CADPS2: variants seen among roughly 807,000 people sequenced by gnomAD.
CADPS2 encodes calcium-dependent secretion activator 2.
In CADPS2, 93 loss-of-function variants were observed where a neutral mutation model predicts 172.5. The observed-to-expected ratio is 0.54, with a 90% CI of 0.46 to 0.64. CADPS2 has a LOEUF of 0.64. CADPS2 is among the 30% of genes least tolerant of loss of function. The pLI, the probability that CADPS2 is intolerant of heterozygous loss-of-function variation, is 0.00. For missense variants in CADPS2, 1,420 were observed against 1,565.9 expected (o/e 0.91, Z 1.57); for synonymous variants, 546 against 555.2 (o/e 0.98, Z 0.23).
At chr7:122,775,493 A>C (rs531623793) in intron 1 of CADPS2, among the ~76,000 whole-genome samples, 1 of 152,332 alleles carries the variant, frequency 6.6e-6, no homozygotes, top group African/African-American at 2.4e-5. Flanking sequence ...CAATTATTTT[A>C]AAGGAGCTAC....
chr7:122,720,659 G>A (rs1001569386), intron 2 of CADPS2, among the ~76,000 whole-genome samples: 2 of 151,534 alleles, frequency 1.3e-5, no homozygotes, highest in Non-Finnish European at 2.9e-5. Context: ...GAGAGTGAGA[G>A]CCCGTGCGAA....
chr7:122,572,459 G>A (rs1231331136), intron 7 of CADPS2, among the ~76,000 whole-genome samples: 2 of 152,056 alleles, frequency 1.3e-5, no homozygotes, highest in Non-Finnish European at 2.9e-5. Context: ...TCTATTAATG[G>A]ACAATAGGTT....
chr7:122,666,518 A>G (rs567120822), intron 2 of CADPS2, among the ~76,000 whole-genome samples: 1 of 151,860 alleles, frequency 6.6e-6, no homozygotes, highest in African/African-American at 2.4e-5. Flanking sequence ...TAATTTTTAT[A>G]TTTTTAGTAG....
chr7:122,662,469 A>G (rs191731943), intron 3 of CADPS2, among the ~76,000 whole-genome samples: 2,662 of 149,388 alleles, frequency 0.018, 34 homozygotes, highest in Non-Finnish European at 0.026. Flanking sequence ...TCCGCCTCCC[A>G]GGTTCAAGCA....
At chr7:122,694,125 T>C (rs997899807) in intron 2 of CADPS2, among the ~76,000 whole-genome samples, 22 of 152,270 alleles carry the variant, frequency 1.4e-4, no homozygotes, top group African/African-American at 5.1e-4. Flanking sequence ...CAAATGATAT[T>C]GTAGGAAAGT....
chr7:122,397,174 G>C (rs1228086217), intron 20 of CADPS2, among the ~76,000 whole-genome samples: 1 of 151,950 alleles, frequency 6.6e-6, no homozygotes, highest in Non-Finnish European at 1.5e-5. Flanking sequence ...ATTTTCTCTG[G>C]TCAGTTATGA....
At chr7:122,491,472 TTAAC>T (rs1209843315) in intron 9 of CADPS2, 52 bp from the exon 10 acceptor site, 31 of 950,920 alleles carry the variant, frequency 3.3e-5, no homozygotes, top group Non-Finnish European at 4.4e-5. Context: ...TTTACCAAAT[TTAAC>T]TTTCGTTTTT....
intron 8 of CADPS2, among the ~76,000 whole-genome samples, chr7:122,535,767 T>C (rs2062205263): frequency 6.6e-6 from 1 of 152,114 alleles, no homozygotes; most frequent in African/African-American, 2.4e-5. Context: ...TGGGATGATA[T>C]ACTGAGCCCC....
At chr7:122,778,923 CAT>C (rs1257924277) in intron 1 of CADPS2, among the ~76,000 whole-genome samples, 2 of 152,168 alleles carry the variant, frequency 1.3e-5, no homozygotes, top group South Asian at 2.1e-4. Context: ...TAGATCCCCA[CAT>C]GTCATGGGAG....
chr7:122,839,890 A>G (rs1160876205), intron 1 of CADPS2, among the ~76,000 whole-genome samples: 1 of 152,158 alleles, frequency 6.6e-6, no homozygotes, highest in Non-Finnish European at 1.5e-5. Flanking sequence ...CAAGGATCTA[A>G]AACTAGAAAT....
At chr7:122,586,179 A>G (rs189519412) in intron 6 of CADPS2, among the ~76,000 whole-genome samples, 12 of 152,136 alleles carry the variant, frequency 7.9e-5, no homozygotes, top group Non-Finnish European at 1.6e-4. Context: ...TGCACATTTT[A>G]TTCATTTAAA....
At chr7:122,401,045 C>T (rs1238938090) in intron 20 of CADPS2, among the ~76,000 whole-genome samples, 1 of 152,132 alleles carries the variant, frequency 6.6e-6, no homozygotes, top group Non-Finnish European at 1.5e-5. Context: ...TCACTCTGGG[C>T]TCTATTATGG....
At chr7:122,658,431 C>T (rs1475426254) in intron 3 of CADPS2, among the ~76,000 whole-genome samples, 1 of 152,166 alleles carries the variant, frequency 6.6e-6, no homozygotes, top group African/African-American at 2.4e-5. Context: ...TATAAAGATA[C>T]AGGCACAGTA....
chr7:122,661,322 G>A (rs1273359611), intron 3 of CADPS2, among the ~76,000 whole-genome samples: 3 of 152,124 alleles, frequency 2.0e-5, no homozygotes, highest in Non-Finnish European at 4.4e-5. Context: ...ATTGCAAGTA[G>A]GTTTCAAATC....
chr7:122,812,151 A>G (rs1800152125), intron 1 of CADPS2, among the ~76,000 whole-genome samples: 1 of 152,028 alleles, frequency 6.6e-6, no homozygotes, highest in African/African-American at 2.4e-5. Flanking sequence ...TTCCCCATCT[A>G]TAAGATGGAA....
At chr7:122,570,907 T>C (rs763685144) in intron 7 of CADPS2, among the ~76,000 whole-genome samples, 1 of 151,918 alleles carries the variant, frequency 6.6e-6, no homozygotes, top group Non-Finnish European at 1.5e-5. Context: ...CGGGGAGGGA[T>C]AGCATTAGGA....
Position 122,446,117 on chromosome 7 carries a change from C to T in CADPS2, c.2289-4542G>A, listed in dbSNP as rs1326156571. ...GTTAGCCGTAGGTCTACCATCCATG[C>T]CCTTAACTGGTTGTATATAACATAT... On this transcript the variant is annotated intron_variant, in intron 15 of 29. Coordinates refer to ENST00000449022, the MANE Select transcript of CADPS2 (RefSeq NM_017954.11). 2.0e-5 allele frequency among the ~76,000 whole-genome samples: 3 copies of T among 152,126 alleles called. No individual in the cohort carries two copies. In the East Asian group the frequency reaches 5.8e-4, roughly 29 times the overall value.
chr7:122,541,848 CATATATATTTATATATATGCAT>C (rs2063102628), intron 8 of CADPS2, among the ~76,000 whole-genome samples: 10 of 70,178 alleles, frequency 1.4e-4, no homozygotes, highest in Admixed American at 8.3e-4. Flanking sequence ...TTTATATATT[CATATATATTTATATATATGCAT>C]ATATATTTAT....
At chr7:122,362,883 C>T (rs7801104) in intron 25 of CADPS2, among the ~76,000 whole-genome samples, 34,782 of 151,978 alleles carry the variant, frequency 0.23, 4,220 homozygotes, top group Non-Finnish European at 0.26. Context: ...CAAAAACTTC[C>T]CTATAGGTTT....
Sources: allele counts gnomAD v4.1 joint callset (sites outside exome capture counted in the v4.1 genomes callset), GRCh38; gene constraint gnomAD v4.1.1; transcripts MANE v1.5; gene names NCBI Gene and HGNC (gene_info 2026-07-23, HGNC 2026-07-21).